Variants in TRRAP observed in about 807,000 individuals in gnomAD.
TRRAP encodes transformation/transcription domain-associated protein.
Under a neutral mutation model 438.8 loss-of-function variants are expected in TRRAP, and 41 were observed. The ratio of observed to expected loss-of-function variants is 0.09; its 90% CI spans 0.07 to 0.12. The LOEUF (loss-of-function observed/expected upper bound fraction) is 0.12, where lower values mean the gene tolerates loss of function less well. Among genes scored for constraint, TRRAP ranks in the 10% least tolerant of loss-of-function variants. The pLI, the probability that TRRAP is intolerant of heterozygous loss-of-function variation, is 1.00. For synonymous variants in TRRAP, 1,994 were observed against 1,962.9 expected (o/e 1.02, Z -0.42); for missense variants, 3,122 against 5,055.1 (o/e 0.62, Z 11.60).
Position 98,897,759 on chromosome 7 carries a change from C to T in TRRAP, c.526C>T (p.Pro176Ser). Reference protein sequence around the residue: ...PKVVNRYFENPQVIPENTVPP... With the variant: ...PKVVNRYFENSQVIPENTVPP... ...TATGTAGAACCGCTACTTTGAGAAC[C>T]CTCAAGTGATCCCCGAGAACACAGT... The change falls in exon 8 of 73, where the codon CCT becomes TCT. Residue 176 changes from proline to serine, a missense_variant. This residue lies in a region of TRRAP where 343 missense variants were observed against 564.0 expected (regional missense o/e 0.61). Coordinates refer to ENST00000456197, the MANE Select transcript of TRRAP (RefSeq NM_001375524.1). The T allele has an allele frequency of 1.2e-6, 2 of 1,613,258 alleles. No homozygotes were observed. The highest frequency in any genetic ancestry group is 1.7e-6 in the Non-Finnish European group (2 of 1,179,840).
Position 98,910,217 on chromosome 7 carries a change from T to TCCCCCCCCCCCCCCC in TRRAP, c.1512_1513insCCCCCCCCCCCCCCC (p.Pro504_Ala505insProProProProPro). On this transcript the variant is annotated inframe_insertion, in exon 15 of 73. Transcript: ENST00000456197. ...CTGCTCCCTCCCCAGCCCCTGTCCC[T>TCCCCCCCCCCCCCCC]GCCCCACCTCCACCCCCGCCCCCAC... is the stretch of plus-strand genomic sequence containing the variant. 4.8e-6 allele frequency: 5 copies of TCCCCCCCCCCCCCCC among 1,045,586 alleles called. No individual in the cohort carries two copies. The highest frequency in any genetic ancestry group is 4.3e-5 in the East Asian group (1 of 23,306). 64.8% of individuals were successfully genotyped at this position (1,045,586 alleles called of 1,614,324 possible).
chr7:98,918,031 G>T (rs1315763605), intron 20 of TRRAP, among the ~76,000 whole-genome samples: 1 of 151,420 alleles, frequency 6.6e-6, no homozygotes, highest in Non-Finnish European at 1.5e-5. Context: ...GAGGCAGGGG[G>T]ATCACCTGAG....
intron 11 of TRRAP, among the ~76,000 whole-genome samples, chr7:98,902,884 G>A (rs1338057179): frequency 1.4e-5 from 2 of 139,350 alleles, no homozygotes; most frequent in African/African-American, 5.1e-5. Context: ...GCCAGCTCGG[G>A]TAACATAGCA....
intron 59 of TRRAP, among the ~76,000 whole-genome samples, chr7:98,982,426 G>C (rs1343138385): frequency 6.6e-6 from 1 of 152,202 alleles, no homozygotes; most frequent in Non-Finnish European, 1.5e-5. Context: ...TGAACTAAGT[G>C]TTATGTTTAG....
In TRRAP at chr7:98,937,041, A is replaced by T. The variant is rs1280335933; in HGVS notation, c.4112-115A>T. ...CCAGGAGTTAGAGATGAACCTGGGC[A>T]ACATAGCAAGACACCTTCTCTACCA... is the stretch of plus-strand genomic sequence containing the variant. On this transcript the variant is annotated intron_variant, in intron 28 of 72. Coordinates refer to ENST00000456197, the MANE Select transcript of TRRAP (RefSeq NM_001375524.1). 3.8e-6 allele frequency: 5 copies of T among 1,312,920 alleles called. No homozygotes were observed. In the Admixed American group the frequency reaches 1.3e-4, roughly 35 times the overall value. 81.3% of individuals were successfully genotyped at this position (1,312,920 alleles called of 1,614,324 possible).
intron 22 of TRRAP, 26 bp downstream of exon 22, chr7:98,925,289 G>C: frequency 6.2e-7 from 1 of 1,609,450 alleles, no homozygotes; most frequent in Non-Finnish European, 8.5e-7. Context: ...CCTTCTGTGT[G>C]GTTGGGTGGA....
chr7:98,915,669 G>T, intron 18 of TRRAP, 54 bp from the exon 19 acceptor site: 1 of 1,586,662 alleles, frequency 6.3e-7, no homozygotes, highest in Non-Finnish European at 8.6e-7. Context: ...AGTCTGGAGG[G>T]TATAGACCCT....
rs890756338 is a variant in TRRAP, at chr7:98,994,202, G to A, written c.10048-385G>A. On this transcript the variant is annotated intron_variant, in intron 66 of 72. Coordinates refer to ENST00000456197, the MANE Select transcript of TRRAP (RefSeq NM_001375524.1). The surrounding 1 kb of genome is among the most constrained non-coding windows in gnomAD (Gnocchi z 4.8). The stretch of plus-strand genomic sequence containing the variant: ...AGATGCTTACCTGGTTGAGCCCCGG[G>A]GCCAGCTCCTTACTGCTGTGAAGTC... 6.6e-6 allele frequency among the ~76,000 whole-genome samples: 1 copy of A among 152,148 alleles called. No individual in the cohort carries two copies. The highest frequency in any genetic ancestry group is 2.4e-5 in the African/African-American group (1 of 41,434).
chr7:98,967,775 G>A, intron 51 of TRRAP, 77 bp downstream of exon 51: 2 of 1,279,218 alleles, frequency 1.6e-6, no homozygotes, highest in Non-Finnish European at 2.2e-6. Flanking sequence ...GCCAGGAGGT[G>A]TTCACACACA....
chr7:98,949,595 C>A lies in TRRAP; in HGVS notation c.4953+14C>A, dbSNP rs782767955. 1 of 1,585,240 alleles carries A rather than the reference C, an allele frequency of 6.3e-7. No individual in the cohort carries two copies. Among genetic ancestry groups the A allele is most frequent in the East Asian group, 2.2e-5 (1 of 44,614 alleles). On this transcript the variant is annotated intron_variant, in intron 36 of 72. Transcript: ENST00000456197. ...CAGGCCATCAAGGTAGCGCCCCTTC[C>A]TCCAGCCCCCAATGCCCAGGGGTTT...
At chr7:98,938,544 A>G (rs1554414818) in intron 30 of TRRAP, among the ~76,000 whole-genome samples, 3 of 100,960 alleles carry the variant, frequency 3.0e-5, no homozygotes, top group African/African-American at 5.2e-5. Context: ...ATTTTTTCCT[A>G]TAAAAGGGGG....
At chr7:98,974,223 A>G (rs1357347804) in intron 53 of TRRAP, among the ~76,000 whole-genome samples, 1 of 152,034 alleles carries the variant, frequency 6.6e-6, no homozygotes, top group Non-Finnish European at 1.5e-5. Flanking sequence ...CTGTGTATTT[A>G]TGGGAGTTGA....
In TRRAP at chr7:98,930,697, C is replaced by T. The variant is rs1790288148; in HGVS notation, c.3458C>T (p.Ala1153Val). ...CTGTGTGCATGTTGTTATGAACAGG[C>T]GTGGTATGCAAAGCTGGGGGGTGTG... is the stretch of plus-strand genomic sequence containing the variant. ...ERLCACCYEQ[A>V]WYAKLGGVVS... The change falls in exon 25 of 73, where the codon GCG becomes GTG. Residue 1153 changes from alanine (A) to valine (V), a missense_variant. Physicochemically the swap from Ala to Val is moderately conservative, Grantham distance 64. This residue lies in a region of TRRAP where 153 missense variants were observed against 223.0 expected (regional missense o/e 0.69). Coordinates refer to ENST00000456197, the MANE Select transcript of TRRAP (RefSeq NM_001375524.1). 6.2e-7 allele frequency: 1 copy of T among 1,614,196 alleles called. No individual in the cohort carries two copies. Among genetic ancestry groups the T allele is most frequent in the Non-Finnish European group, 8.5e-7 (1 of 1,180,044 alleles).
At chr7:98,886,363 GAGAT>G (rs1414679686) in intron 3 of TRRAP, among the ~76,000 whole-genome samples, 15 of 151,328 alleles carry the variant, frequency 9.9e-5, no homozygotes, top group Non-Finnish European at 1.9e-4. Flanking sequence ...TATATAGATA[GAGAT>G]AGATATAGAT....
chr7:98,999,733 G>A, intron 67 of TRRAP: 1 of 710,248 alleles, frequency 1.4e-6, no homozygotes, highest in African/African-American at 1.8e-5. Flanking sequence ...AAAGCAAATG[G>A]TATATTCAAA....
chr7:98,970,382 G>A (rs1248162057), intron 52 of TRRAP, 91 bp downstream of exon 52: 30 of 1,461,362 alleles, frequency 2.1e-5, no homozygotes, highest in South Asian at 1.3e-4. Context: ...GTGAGACCCC[G>A]TGCCCCACGG....
intron 12 of TRRAP, 32 bp downstream of exon 12, chr7:98,903,549 A>C: frequency 6.2e-7 from 1 of 1,611,866 alleles, no homozygotes; most frequent in Non-Finnish European, 8.5e-7. Flanking sequence ...TTGAATGCTG[A>C]TGCTAGTCCT....
rs751836900 is a variant in TRRAP, at chr7:98,961,430, A to G, written c.6659A>G (p.His2220Arg). Residue 2220 changes from histidine (H) to arginine (R), a missense_variant, in exon 46 of 73, where the codon CAC becomes CGC. By Grantham distance (29) the His-to-Arg change is conservative. This residue lies in a region of TRRAP where 992 missense variants were observed against 1,281.2 expected (regional missense o/e 0.77). Transcript: ENST00000456197. ...CGNTKVLRAV[H>R]SLLSRLMSIF... ...AACACCAAGGTGTTGCGAGCCGTCC[A>G]CAGCCTTCTCTCGCGCCTGATGAGC... The G allele has an allele frequency of 6.2e-7, 1 of 1,614,134 alleles. No individual in the cohort carries two copies. The highest frequency in any genetic ancestry group is 1.3e-5 in the African/African-American group (1 of 74,942).
At position 98,959,379 on chromosome 7, in the gene TRRAP, G is replaced by A; in HGVS notation, c.6378G>A (p.Gly2126=). 2 of 1,614,138 alleles carry A rather than the reference G, an allele frequency of 1.2e-6. No individual in the cohort carries two copies. The highest frequency in any genetic ancestry group is 8.5e-7 in the Non-Finnish European group (1 of 1,180,020). Residue 2126 remains glycine, a synonymous_variant, in exon 45 of 73, where the codon GGG becomes GGA. Coordinates refer to ENST00000456197, the MANE Select transcript of TRRAP (RefSeq NM_001375524.1). ...NDNTNTAGSP[G]EVLSRRCVNL... ...ACACCAACACAGCGGGGTCCCCTGG[G>A]GAGGTGCTCTCTCGCCGGTGTGTGA... is the stretch of plus-strand genomic sequence containing the variant.
Sources: allele counts gnomAD v4.1 joint callset (sites outside exome capture counted in the v4.1 genomes callset), GRCh38; gene constraint gnomAD v4.1.1; regional missense constraint gnomAD v4.1.1; non-coding constraint Gnocchi (gnomAD v3.1); transcripts MANE v1.5; gene names NCBI Gene and HGNC (gene_info 2026-07-23, HGNC 2026-07-21).